DYNC2H1: variants seen among roughly 807,000 people sequenced by gnomAD.
The protein encoded by DYNC2H1 is cytoplasmic dynein 2 heavy chain 1.
DYNC2H1 carries 410 observed loss-of-function variants against 570.0 expected under a neutral mutation model. The observed-to-expected ratio is 0.72, with a 90% CI of 0.66 to 0.78. The LOEUF is 0.78. Among genes scored for constraint, DYNC2H1 ranks in the 30% least tolerant of loss-of-function variants. DYNC2H1 has a pLI of 0.00. For missense variants in DYNC2H1, 4,865 were observed against 5,046.4 expected (o/e 0.96, Z 1.09); for synonymous variants, 1,688 against 1,677.6 (o/e 1.01, Z -0.15).
intron 53 of DYNC2H1, 140 bp downstream of exon 53, chr11:103,210,100 C>G (rs1591413353): frequency 9.6e-7 from 1 of 1,047,050 alleles, no homozygotes; most frequent in South Asian, 2.2e-5. Context: ...TCTTCTGATG[C>G]AAACAAAATT....
In DYNC2H1 at chr11:103,396,186, A is replaced by G. The variant is rs150949275; in HGVS notation, c.12157-3477A>G. ...TACATCTTATGAATTTCACTGAGTC[A>G]CATATCTGAGAAGGACTCTGATGTT... On this transcript the variant is annotated intron_variant, in intron 83 of 88. Transcript: ENST00000375735. Among the ~76,000 whole-genome samples, 10 of 152,328 alleles carry G rather than the reference A, an allele frequency of 6.6e-5. No homozygotes were observed. In the East Asian group the frequency reaches 1.7e-3, roughly 26 times the overall value.
At chr11:103,330,587 T>C (rs1346373014) in intron 82 of DYNC2H1, among the ~76,000 whole-genome samples, 1 of 125,890 alleles carries the variant, frequency 7.9e-6, no homozygotes, top group African/African-American at 2.6e-5. Context: ...TTCATTAATA[T>C]ATATCTTTAT....
Position 103,436,032 on chromosome 11 carries a change from G to T in DYNC2H1, c.12456G>T (p.Gln4152His). The T allele has an allele frequency of 6.2e-7, 1 of 1,611,842 alleles. No homozygotes were observed. The highest frequency in any genetic ancestry group is 2.2e-5 in the East Asian group (1 of 44,816). The change falls in exon 85 of 89, where the codon CAG (glutamine) becomes CAT (histidine). Residue 4152 changes from glutamine to histidine, a missense_variant and splice_region_variant. Transcript: ENST00000375735. ...TTGTTGCCCGTGCCCTTGCAATACA[G>T]GTATGCCTAAATTATTTACTAAGTG... is the stretch of plus-strand genomic sequence containing the variant. ...RGLVARALAI[Q>H]NWVDKAEKQA...
chr11:103,282,038 C>A, intron 71 of DYNC2H1, 141 bp from the exon 72 acceptor site: 10 of 560,246 alleles, frequency 1.8e-5, no homozygotes, highest in African/African-American at 2.0e-5. Flanking sequence ...ATAATGTTAA[C>A]ATACTAGAAG....
At chr11:103,282,133 G>T (rs1336430925) in intron 71 of DYNC2H1, 46 bp from the exon 72 acceptor site, 2 of 1,567,780 alleles carry the variant, frequency 1.3e-6, no homozygotes, top group East Asian at 4.6e-5. Flanking sequence ...TTTGTTAACT[G>T]GTTATCATTT....
At chr11:103,180,776 G>A (rs1861818092) in intron 39 of DYNC2H1, among the ~76,000 whole-genome samples, 1 of 151,520 alleles carries the variant, frequency 6.6e-6, no homozygotes, top group South Asian at 2.1e-4. Flanking sequence ...CCATTGGTAA[G>A]AAACTCTTTA....
chr11:103,383,864 A>G (rs1591658658), intron 83 of DYNC2H1, among the ~76,000 whole-genome samples: 1 of 152,140 alleles, frequency 6.6e-6, no homozygotes, highest in African/African-American at 2.4e-5. Flanking sequence ...GCATGTTTTC[A>G]TTATTGTTCA....
rs937420454 is a variant in DYNC2H1 at position 103,126,883 on chromosome 11, C to G, written c.1857+1588C>G. Among the ~76,000 whole-genome samples the G allele has an allele frequency of 2.0e-4, 30 of 152,202 alleles. 1 individual carries two copies. The highest frequency in any genetic ancestry group is 7.0e-4 in the African/African-American group (29 of 41,460). On this transcript the variant is annotated intron_variant, in intron 12 of 88. Coordinates refer to ENST00000375735, the MANE Select transcript of DYNC2H1 (RefSeq NM_001377.3). ...TCAATCTCCTGACCTTGTGATCCGC[C>G]TACCTTGGCCTCCCAAAGTGCTGGG...
rs371970116 is a variant in DYNC2H1, at chr11:103,479,234, T to C, written c.12905T>C (p.Leu4302Pro). 1.9e-6 allele frequency: 3 copies of C among 1,611,920 alleles called. No individual in the cohort carries two copies. The highest frequency in any genetic ancestry group is 2.7e-5 in the African/African-American group (2 of 74,896). ...CAGTGGATTCAGTGTGGAGCAGCTC[T>C]ATTCCTAAAAAATCAGTAGAATCTA... The part of the protein sequence containing the change: ...QDQWIQCGAA[L>P]FLKNQ The change falls in exon 89 of 89, where the codon CTA becomes CCA. Residue 4302 changes from leucine to proline, a missense_variant. Around this residue, in one of 5 missense-constraint regions of DYNC2H1, gnomAD observed 2,401 missense variants for 2,454.6 expected, o/e 0.98. Coordinates refer to ENST00000375735, the MANE Select transcript of DYNC2H1 (RefSeq NM_001377.3).
intron 84 of DYNC2H1, among the ~76,000 whole-genome samples, chr11:103,412,298 ACTTTT>A (rs1376801907): frequency 1.3e-5 from 2 of 152,126 alleles, no homozygotes; most frequent in African/African-American, 2.4e-5. Flanking sequence ...GAGAATAATG[ACTTTT>A]ATTTCTTTGA....
intron 83 of DYNC2H1, among the ~76,000 whole-genome samples, chr11:103,385,878 A>G (rs1941851396): frequency 6.6e-6 from 1 of 152,194 alleles, no homozygotes; most frequent in Admixed American, 6.5e-5. Context: ...CCAATGGAAG[A>G]TCTGTCTACT....
chr11:103,412,320 A>G (rs2135690363), intron 84 of DYNC2H1, among the ~76,000 whole-genome samples: 1 of 152,218 alleles, frequency 6.6e-6, no homozygotes. Context: ...TTGATAACTT[A>G]TGATGATCTG....
intron 87 of DYNC2H1, 107 bp from the exon 88 acceptor site, chr11:103,468,482 G>T: frequency 1.5e-6 from 1 of 677,084 alleles, no homozygotes; most frequent in Non-Finnish European, 2.5e-6. Context: ...CATATATTTG[G>T]AATCGGTGAA....
At chr11:103,118,041 G>A (rs1858507277) in intron 6 of DYNC2H1, among the ~76,000 whole-genome samples, 178 bp downstream of exon 6, 1 of 152,120 alleles carries the variant, frequency 6.6e-6, no homozygotes, top group Admixed American at 6.5e-5. Context: ...TATTTTGTGT[G>A]AGACTGGTCA....
At chr11:103,156,316 ATACTT>A (rs1860818581) in intron 25 of DYNC2H1, 67 bp from the exon 26 acceptor site, 8 of 1,395,520 alleles carry the variant, frequency 5.7e-6, no homozygotes, top group Non-Finnish European at 7.7e-6. Flanking sequence ...TTTTCATAAA[ATACTT>A]TTCTATTAAT....
intron 20 of DYNC2H1, among the ~76,000 whole-genome samples, chr11:103,148,868 C>T (rs1362217919): frequency 1.3e-5 from 2 of 152,032 alleles, no homozygotes; most frequent in African/African-American, 4.8e-5. Flanking sequence ...ACCAGCCTGA[C>T]CAACATGGTC....
At chr11:103,208,014 G>A (rs1319722672) in intron 52 of DYNC2H1, among the ~76,000 whole-genome samples, 1 of 152,128 alleles carries the variant, frequency 6.6e-6, no homozygotes, top group African/African-American at 2.4e-5. Flanking sequence ...GGATTTTGAT[G>A]TTGGAAGGGA....
chr11:103,314,165 C>T (rs1937678759), intron 79 of DYNC2H1, among the ~76,000 whole-genome samples: 1 of 152,070 alleles, frequency 6.6e-6, no homozygotes, highest in South Asian at 2.1e-4. Flanking sequence ...ACTTCCCTGC[C>T]ACCCACTTTC....
rs568178584 is a variant in DYNC2H1, at chr11:103,157,460, A to G, written c.4127+690A>G. ...CAAATCTTTCTTCTTTCTGATTCCTATTTCAATAAATGGCCCAACCTAATT... is the reference window on the plus strand; with the variant it reads ...CAAATCTTTCTTCTTTCTGATTCCTGTTTCAATAAATGGCCCAACCTAATT... On this transcript the variant is annotated intron_variant, in intron 26 of 88. Coordinates refer to ENST00000375735, the MANE Select transcript of DYNC2H1 (RefSeq NM_001377.3). The surrounding 1 kb of genome is among the most constrained non-coding windows in gnomAD (Gnocchi z 4.2). Among the ~76,000 whole-genome samples, 32 of 152,328 alleles carry G rather than the reference A, an allele frequency of 2.1e-4. 1 individual carries two copies. In the South Asian group the frequency reaches 6.0e-3, roughly 29 times the overall value.
Sources: gnomAD v4.1 joint callset for allele counts (sites outside exome capture counted in the v4.1 genomes callset) on GRCh38, gnomAD v4.1.1 for gene constraint, gnomAD v4.1.1 regional missense constraint, Gnocchi (gnomAD v3.1) non-coding constraint, MANE v1.5 for transcripts, NCBI Gene and HGNC (gene_info 2026-07-23, HGNC 2026-07-21) for gene names.